Variants in JAKMIP3 observed in about 807,000 individuals in gnomAD.
JAKMIP3 encodes the protein Janus kinase and microtubule interacting protein 3, also known as janus kinase and microtubule-interacting protein 3.
Under a neutral mutation model 118.5 loss-of-function variants are expected in JAKMIP3, and 58 were observed. That is an observed-to-expected ratio of 0.49 (90% CI 0.40 to 0.61). The LOEUF (loss-of-function observed/expected upper bound fraction) is 0.61. Among genes scored for constraint, JAKMIP3 ranks in the 20% least tolerant of loss-of-function variants. The pLI is 0.00. For missense variants in JAKMIP3, 950 were observed against 1,109.0 expected, an observed-to-expected ratio of 0.86 and a Z score of 2.04; for synonymous variants, 486 against 451.2, an observed-to-expected ratio of 1.08 and a Z score of -0.98.
At chr10:132,110,736 T>G (rs997869367) in intron 2 of JAKMIP3, among the ~76,000 whole-genome samples, 1 of 152,140 alleles carries the variant, frequency 6.6e-6, no homozygotes, top group East Asian at 1.9e-4. Flanking sequence ...AAAAGCTGAC[T>G]CCTCCAGGTG....
chr10:132,164,118 T>G (rs553703766), intron 20 of JAKMIP3, among the ~76,000 whole-genome samples: 2 of 152,344 alleles, frequency 1.3e-5, no homozygotes, highest in South Asian at 4.1e-4. Context: ...CAGCTGGCTG[T>G]GGGCATCGGT....
intron 23 of JAKMIP3, among the ~76,000 whole-genome samples, chr10:132,178,817 A>C (rs2060427198): frequency 6.6e-6 from 1 of 152,206 alleles, no homozygotes; most frequent in Admixed American, 6.5e-5. Flanking sequence ...CAACTGAGTT[A>C]TGTTTCCAAA....
chr10:132,116,994 A>T, intron 2 of JAKMIP3, 83 bp from the exon 3 acceptor site: 1 of 1,475,626 alleles, frequency 6.8e-7, no homozygotes, highest in Admixed American at 2.1e-5. Flanking sequence ...TGCAACGTGG[A>T]AGCTCCCCCA....
intron 1 of JAKMIP3, among the ~76,000 whole-genome samples, chr10:132,066,644 C>G (rs536642746): frequency 4.6e-4 from 70 of 152,340 alleles, no homozygotes; most frequent in Non-Finnish European, 9.0e-4. Flanking sequence ...AAAACTTAAT[C>G]AAGAATCACA....
Position 132,180,634 on chromosome 10 carries a change from CGTGCGTGTGTGCGTGTGCGT to C in JAKMIP3, c.*1104-1705_*1104-1686del, listed in dbSNP as rs1280453148. ...GTGTGTGCGTGTGTGTGCGTGTGTGCGTGCGTGTGTGCGTGTGCGTGTGCGTGTGTGCGTGTGTGTGCGCG... is the reference window on the plus strand; with the variant it reads ...GTGTGTGCGTGTGTGTGCGTGTGTGCGTGCGTGTGTGCGTGTGTGTGCGCG... On this transcript the variant is annotated intron_variant, in intron 23 of 23. Transcript: ENST00000684848. Among the ~76,000 whole-genome samples, 4 of 12,820 alleles carry C rather than the reference CGTGCGTGTGTGCGTGTGCGT, an allele frequency of 3.1e-4. 2 individuals carry two copies. Among genetic ancestry groups the C allele is most frequent in the Non-Finnish European group, 5.4e-4 (4 of 7,416 alleles). 8.4% of individuals were successfully genotyped at this position (12,820 alleles called of 152,430 possible).
At chr10:132,143,739 A>C (rs1733484978) in intron 11 of JAKMIP3, 1 of 152,212 alleles carries the variant, frequency 6.6e-6, no homozygotes, top group South Asian at 2.1e-4. Flanking sequence ...CCTCAGGATA[A>C]GGAAGGGGGC....
At chr10:132,170,403 C>G (rs79939639) in intron 23 of JAKMIP3, among the ~76,000 whole-genome samples, 16,875 of 152,194 alleles carry the variant, frequency 0.11, 1,266 homozygotes, top group Non-Finnish European at 0.15. Context: ...ACTCCCACCC[C>G]CTGCGGGCCA....
intron 23 of JAKMIP3, among the ~76,000 whole-genome samples, chr10:132,178,640 C>A (rs976611856): frequency 6.6e-6 from 1 of 152,162 alleles, no homozygotes; most frequent in African/African-American, 2.4e-5. Flanking sequence ...CAGGGTCTCA[C>A]CCCCTCCCAA....
intron 23 of JAKMIP3, among the ~76,000 whole-genome samples, chr10:132,178,161 C>A (rs1358062222): frequency 6.6e-6 from 1 of 152,204 alleles, no homozygotes; most frequent in Non-Finnish European, 1.5e-5. Flanking sequence ...GGAGGGTGAC[C>A]CAGAGCAGAG....
At chr10:132,048,465 T>A (rs2037994912) in intron 1 of JAKMIP3, among the ~76,000 whole-genome samples, 1 of 152,212 alleles carries the variant, frequency 6.6e-6, no homozygotes, top group South Asian at 2.1e-4. Context: ...ACGTGGATAC[T>A]TATTCCATGG....
At position 132,150,063 on chromosome 10, in the gene JAKMIP3, T is replaced by C. The variant is rs909091474; in HGVS notation, c.2007+22T>C. ...AAGTGTATGTCGCTCTCCTGGCTTG[T>C]GCATGCCTCTTACACCCACAACCCC... On this transcript the variant is annotated intron_variant, in intron 16 of 23. Transcript: ENST00000684848. 1.5e-5 allele frequency: 23 copies of C among 1,582,170 alleles called. No individual in the cohort carries two copies. In the Middle Eastern group the frequency reaches 2.0e-3, roughly 138 times the overall value.
intron 23 of JAKMIP3, among the ~76,000 whole-genome samples, chr10:132,170,697 A>G (rs1046680287): frequency 5.9e-5 from 9 of 152,092 alleles, no homozygotes; most frequent in Non-Finnish European, 1.2e-4. Flanking sequence ...GTCATCAGGG[A>G]GGGGCAGCCG....
intron 23 of JAKMIP3, among the ~76,000 whole-genome samples, chr10:132,178,782 C>G (rs896062750): frequency 5.9e-5 from 9 of 152,220 alleles, no homozygotes; most frequent in African/African-American, 2.2e-4. Flanking sequence ...GTTCCGGACC[C>G]CAGGAAGGTT....
Position 132,076,774 on chromosome 10 carries a change from C to T in JAKMIP3, c.-138+10713C>T, listed in dbSNP as rs962477788. Among the ~76,000 whole-genome samples, 6 of 142,502 alleles carry T rather than the reference C, an allele frequency of 4.2e-5. No individual in the cohort carries two copies. In the South Asian group the frequency reaches 6.8e-4, roughly 16 times the overall value. 93.5% of individuals were successfully genotyped at this position (142,502 alleles called of 152,430 possible). On this transcript the variant is annotated intron_variant, in intron 1 of 23. Coordinates refer to ENST00000684848, the MANE Select transcript of JAKMIP3 (RefSeq NM_001323087.2). ...ACTGAAGACTGGCCTGAGGTGGCCC[C>T]GGGTCTGACTGAGGGCTGGCCTGCG...
At chr10:132,159,445 G>A (rs1168803636) in intron 19 of JAKMIP3, among the ~76,000 whole-genome samples, 1 of 96,108 alleles carries the variant, frequency 1.0e-5, no homozygotes, top group African/African-American at 4.2e-5. Context: ...TTTTTTCTGC[G>A]TGATGCTGGG....
intron 3 of JAKMIP3, among the ~76,000 whole-genome samples, chr10:132,131,352 T>G (rs2050541664): frequency 7.4e-6 from 1 of 135,324 alleles, no homozygotes. Flanking sequence ...ACTTAACGAG[T>G]GAGGGTGTGG....
intron 11 of JAKMIP3, among the ~76,000 whole-genome samples, chr10:132,143,113 C>G (rs946938449): frequency 6.6e-6 from 1 of 151,912 alleles, no homozygotes; most frequent in Non-Finnish European, 1.5e-5. Context: ...GAGAGCTCCA[C>G]CCCTCTGTGC....
At chr10:132,065,204 G>A (rs1336773402), upstream of JAKMIP3, among the ~76,000 whole-genome samples, 3 of 152,068 alleles carry the variant, frequency 2.0e-5, no homozygotes, top group Non-Finnish European at 4.4e-5. The surrounding 1 kb of genome is among the most constrained non-coding windows in gnomAD (Gnocchi z 5.6). Context: ...TGGAAACCCT[G>A]TCAGACCCTG....
At chr10:132,143,440 T>A (rs2053972001) in intron 11 of JAKMIP3, among the ~76,000 whole-genome samples, 1 of 152,112 alleles carries the variant, frequency 6.6e-6, no homozygotes, top group Non-Finnish European at 1.5e-5. Flanking sequence ...GCATCCTGTC[T>A]TCCCTTTTTC....
Sources: gnomAD v4.1 joint callset for allele counts (sites outside exome capture counted in the v4.1 genomes callset) on GRCh38, gnomAD v4.1.1 for gene constraint, Gnocchi (gnomAD v3.1) non-coding constraint, MANE v1.5 for transcripts, NCBI Gene and HGNC (gene_info 2026-07-23, HGNC 2026-07-21) for gene names.